Variants in EDEM1 observed in about 807,000 individuals in gnomAD.
EDEM1 encodes ER degradation enhancing alpha-mannosidase like protein 1.
In EDEM1, 67 loss-of-function variants were observed where a neutral mutation model predicts 74.4. The observed-to-expected ratio is 0.90, with a 90% confidence interval of 0.74 to 1.10. The LOEUF (loss-of-function observed/expected upper bound fraction) is 1.10. Ranked by LOEUF, EDEM1 falls within the 50% of genes least tolerant of loss-of-function variation. The probability of loss-of-function intolerance (pLI) is 0.00; values close to 1 mark genes in which losing one functional copy is unlikely to be tolerated. For synonymous variants in EDEM1, 382 were observed against 335.9 expected, an observed-to-expected ratio of 1.14 and a Z score of -1.50; for missense variants, 926 against 851.6, an observed-to-expected ratio of 1.09 and a Z score of -1.09.
chr3:5,212,553 G>C (rs1249254707), intron 10 of EDEM1, among the ~76,000 whole-genome samples: 2 of 152,226 alleles, frequency 1.3e-5, no homozygotes, highest in Admixed American at 6.5e-5. Context: ...GGTCTACCCT[G>C]TTCTTCTCTT....
At position 5,187,786 on chromosome 3, in the gene EDEM1, C is replaced by A; in HGVS notation, c.-20C>A. The A allele has an allele frequency of 6.5e-7, 1 of 1,538,448 alleles. No homozygotes were observed. Among genetic ancestry groups the A allele is most frequent in the Non-Finnish European group, 8.8e-7 (1 of 1,142,404 alleles). On this transcript the variant is annotated 5_prime_UTR_variant, in exon 1 of 12. Transcript: ENST00000256497. ...GAGGCCCCCGCGCTTTAAAATAATG[C>A]CCGCGGCGCCCGCGCGACCATGCAA...
rs1298160162 is a variant in EDEM1 at position 5,207,397 on chromosome 3, T to C, written c.1338+124T>C. 4.5e-6 allele frequency: 6 copies of C among 1,331,746 alleles called. No individual in the cohort carries two copies. In the South Asian group the frequency reaches 5.7e-5, roughly 13 times the overall value. The allele number at this position is 1,331,746 out of a possible 1,614,324, so 82.5% of individuals were successfully genotyped here. A position where few individuals can be genotyped will look rare whatever the true frequency, so the allele number is the denominator to read the frequency against. Reference sequence around the variant, plus strand: ...TTTGGATTTGGGAGGTCACTGACACTATACGTCTTCATCTCTCTGTTTGAG... The same window carrying C: ...TTTGGATTTGGGAGGTCACTGACACCATACGTCTTCATCTCTCTGTTTGAG... On this transcript the variant is annotated intron_variant, in intron 7 of 11. Coordinates refer to ENST00000256497, the MANE Select transcript of EDEM1 (RefSeq NM_014674.3).
At position 5,219,295 on chromosome 3, in the gene EDEM1, T is replaced by C. The variant is rs2055283144; in HGVS notation, c.*3377T>C. 6.6e-6 allele frequency: 1 copy of C among 152,196 alleles called. No homozygotes were observed. The highest frequency in any genetic ancestry group is 2.1e-4 in the South Asian group (1 of 4,824). The allele number at this position is 152,196 out of a possible 1,614,324, so 9.4% of individuals were successfully genotyped here. On this transcript the variant is annotated 3_prime_UTR_variant, in exon 12 of 12. Transcript: ENST00000256497. ...AAAAACAAAAATCTTTTTTCAAATG[T>C]AGTGCTGGTGAAAAGGTAGGGCTGA...
intron 1 of EDEM1, among the ~76,000 whole-genome samples, chr3:5,194,700 G>A (rs2054941576): frequency 6.6e-6 from 1 of 152,228 alleles, no homozygotes. Flanking sequence ...GTGTAAAGAA[G>A]TTAATTTATA....
Position 5,205,137 on chromosome 3 carries a change from C to T in EDEM1, c.1113C>T (p.Ser371=). 6.2e-7 allele frequency: 1 copy of T among 1,614,244 alleles called. No individual in the cohort carries two copies. Among genetic ancestry groups the T allele is most frequent in the South Asian group, 1.1e-5 (1 of 91,086 alleles). The change falls in exon 6 of 12, where the codon TCC becomes TCT. Residue 371 remains serine (S), a synonymous_variant. Transcript: ENST00000256497. ...GTGGCCTGGGTGCCGGGCTGGACTC[C>T]TTCTATGAATACCTCTTGAAATCTT... ...KQSGLGAGLD[S]FYEYLLKSYI...
chr3:5,206,653 G>A (rs1257527856), intron 6 of EDEM1, among the ~76,000 whole-genome samples: 1 of 152,088 alleles, frequency 6.6e-6, no homozygotes, highest in Non-Finnish European at 1.5e-5. Context: ...TTAAGTAAGG[G>A]GCCTTTTGAG....
chr3:5,206,816 A>G (rs942549829), intron 6 of EDEM1, among the ~76,000 whole-genome samples: 1 of 152,248 alleles, frequency 6.6e-6, no homozygotes, highest in African/African-American at 2.4e-5. Flanking sequence ...TTTTCTGCTC[A>G]GGTGAAATCC....
In EDEM1 at chr3:5,196,086, C is replaced by G. The variant is rs530718750; in HGVS notation, c.582+805C>G. Among the ~76,000 whole-genome samples, 3 of 152,336 alleles carry G rather than the reference C, an allele frequency of 2.0e-5. No homozygotes were observed. The East Asian group carries it at 5.8e-4, about 29-fold the overall frequency. ...ACCATGAGAAATATCTTATTGCAGT[C>G]TAGCCCAAATGTTGTACTTTTATTT... On this transcript the variant is annotated intron_variant, in intron 2 of 11. Transcript: ENST00000256497.
intron 11 of EDEM1, among the ~76,000 whole-genome samples, chr3:5,214,618 A>G (rs1475086790): frequency 6.6e-6 from 1 of 152,192 alleles, no homozygotes; most frequent in African/African-American, 2.4e-5. Flanking sequence ...ACGTACATTA[A>G]TCTGTTTACT....
In EDEM1 at chr3:5,194,140, C is replaced by T. The variant is rs888785237; in HGVS notation, c.510-1069C>T. ...GAGATAAGGACCCATTAGGGTGATC[C>T]GAGGAGCAGATGAAGTGCTTTGGGA... On this transcript the variant is annotated intron_variant, in intron 1 of 11. Transcript: ENST00000256497. Among the ~76,000 whole-genome samples, 7 of 152,144 alleles carry T rather than the reference C, an allele frequency of 4.6e-5. No individual in the cohort carries two copies. In the East Asian group the frequency reaches 1.2e-3, roughly 25 times the overall value.
rs73004924 is a variant in EDEM1 at position 5,204,315 on chromosome 3, C to T, written c.1043-752C>T. Reference sequence around the variant, plus strand: ...TGTTTCCAGGTTGTTGCCTTGCATTCATAATGACCACTTTTGTTGTTGTTT... The same window carrying T: ...TGTTTCCAGGTTGTTGCCTTGCATTTATAATGACCACTTTTGTTGTTGTTT... On this transcript the variant is annotated intron_variant, in intron 5 of 11. Transcript: ENST00000256497. Among the ~76,000 whole-genome samples, 552 of 151,996 alleles carry T rather than the reference C, an allele frequency of 3.6e-3. 2 individuals are homozygous for T. The highest frequency in any genetic ancestry group is 6.2e-3 in the Non-Finnish European group (419 of 67,962).
chr3:5,213,986 A>G (rs1433453996), intron 11 of EDEM1, among the ~76,000 whole-genome samples: 1 of 152,222 alleles, frequency 6.6e-6, no homozygotes, highest in Non-Finnish European at 1.5e-5. Context: ...GGCAAATGGA[A>G]GACATTCAGC....
At chr3:5,190,610 G>T (rs1164122705) in intron 1 of EDEM1, among the ~76,000 whole-genome samples, 1 of 152,186 alleles carries the variant, frequency 6.6e-6, no homozygotes, top group Non-Finnish European at 1.5e-5. Flanking sequence ...TTGGTTATGC[G>T]TAAGTTAAGG....
chr3:5,217,126 G>A lies in EDEM1; in HGVS notation c.*1208G>A, dbSNP rs774417544. 1 of 152,646 alleles carries A rather than the reference G, an allele frequency of 6.6e-6. No individual in the cohort carries two copies. Among genetic ancestry groups the A allele is most frequent in the Non-Finnish European group, 1.5e-5 (1 of 68,044 alleles). 9.5% of individuals were successfully genotyped at this position (152,646 alleles called of 1,614,324 possible). A position where few individuals can be genotyped will look rare whatever the true frequency, so the allele number is the denominator to read the frequency against. On this transcript the variant is annotated 3_prime_UTR_variant, in exon 12 of 12. Transcript: ENST00000256497. ...CCACATGGTGAGACCGTGGTGAAAG[G>A]GGGATGGAAATTGCTTGGCCAGTCT...
In EDEM1 at chr3:5,207,277, T is replaced by C; in HGVS notation, c.1338+4T>C. 6.2e-7 allele frequency: 1 copy of C among 1,613,468 alleles called. No individual in the cohort carries two copies. The highest frequency in any genetic ancestry group is 8.5e-7 in the Non-Finnish European group (1 of 1,179,812). On this transcript the variant is annotated splice_donor_region_variant and intron_variant, in intron 7 of 11. Coordinates refer to ENST00000256497, the MANE Select transcript of EDEM1 (RefSeq NM_014674.3). ...GGCCTTTTTCCCTGGACTGCAGGTA[T>C]TTTGCCATCAGATTTCCTAAGAATA...
chr3:5,210,484 C>G (rs775338873), intron 9 of EDEM1, among the ~76,000 whole-genome samples: 1 of 152,112 alleles, frequency 6.6e-6, no homozygotes, highest in African/African-American at 2.4e-5. Context: ...CTTCTTTCCC[C>G]TAGTTATATA....
rs142401864 is a variant in EDEM1 at position 5,199,669 on chromosome 3, C to T, written c.660C>T (p.Thr220=). 182 of 1,613,376 alleles carry T rather than the reference C, an allele frequency of 1.1e-4. No individual in the cohort carries two copies. The highest frequency in any genetic ancestry group is 1.4e-4 in the Non-Finnish European group (164 of 1,179,736). Residue 220 remains threonine, a synonymous_variant, in exon 3 of 12, where the codon ACC becomes ACT. Transcript: ENST00000256497. The part of the protein sequence containing the change: ...INTVSFDKDS[T]VQVFEATIRV... ...CAGTTTCATTTGACAAAGATTCCACCGTCCAAGTCTTTGAGGCCACGATAA... is the reference window on the plus strand; with the variant it reads ...CAGTTTCATTTGACAAAGATTCCACTGTCCAAGTCTTTGAGGCCACGATAA...
Position 5,188,136 on chromosome 3 carries a change from C to T in EDEM1, c.331C>T (p.Pro111Ser). ...CGTGCTGGGCGGCCGGGGCCGCGGC[C>T]CGGACGAGTACGAGAAGCGCTACAG... is the stretch of plus-strand genomic sequence containing the variant. Reference protein sequence around the residue: ...GYVLGGRGRGPDEYEKRYSGA... With the variant: ...GYVLGGRGRGSDEYEKRYSGA... Residue 111 changes from proline (P) to serine (S), a missense_variant, in exon 1 of 12, where the codon CCG becomes TCG. Coordinates refer to ENST00000256497, the MANE Select transcript of EDEM1 (RefSeq NM_014674.3). 1 of 1,532,536 alleles carries T rather than the reference C, an allele frequency of 6.5e-7. No homozygotes were observed. The highest frequency in any genetic ancestry group is 8.8e-7 in the Non-Finnish European group (1 of 1,139,584). 94.9% of individuals were successfully genotyped at this position (1,532,536 alleles called of 1,614,324 possible). A position where few individuals can be genotyped will look rare whatever the true frequency, so the allele number is the denominator to read the frequency against.
chr3:5,188,692 A>T (rs2054861108), intron 1 of EDEM1, among the ~76,000 whole-genome samples: 1 of 152,126 alleles, frequency 6.6e-6, no homozygotes, highest in African/African-American at 2.4e-5. Context: ...CTCTAAATGA[A>T]ATCTCCATCA....
Sources: allele counts gnomAD v4.1 joint callset (sites outside exome capture counted in the v4.1 genomes callset), GRCh38; gene constraint gnomAD v4.1.1; transcripts MANE v1.5; gene names NCBI Gene and HGNC (gene_info 2026-07-23, HGNC 2026-07-21).